The following PTPRT variants were observed in gnomAD, a reference collection of about 807,000 sequenced individuals.
PTPRT encodes receptor-type tyrosine-protein phosphatase T.
Under a neutral mutation model 176.8 loss-of-function variants are expected in PTPRT, and 56 were observed. The observed-to-expected ratio is 0.32, with a 90% CI of 0.26 to 0.40. The LOEUF is 0.40. PTPRT is among the 10% of genes least tolerant of loss of function. PTPRT has a pLI of 1.00. For missense variants in PTPRT, 1,540 were observed against 1,908.2 expected, an observed-to-expected ratio of 0.81 and a Z score of 3.60; for synonymous variants, 783 against 739.0, an observed-to-expected ratio of 1.06 and a Z score of -0.96.
chr20:42,729,765 G>C (rs2076432962), intron 6 of PTPRT, among the ~76,000 whole-genome samples: 1 of 152,130 alleles, frequency 6.6e-6, no homozygotes, highest in African/African-American at 2.4e-5. Flanking sequence ...GCTTGGACTT[G>C]ACTGGAGGCT....
At chr20:42,157,313 T>A (rs1170327986) in intron 17 of PTPRT, among the ~76,000 whole-genome samples, 1 of 152,060 alleles carries the variant, frequency 6.6e-6, no homozygotes, top group Non-Finnish European at 1.5e-5. Flanking sequence ...ATGGTACTTG[T>A]GGCAGACTGT....
At position 42,735,164 on chromosome 20, in the gene PTPRT, G is replaced by A. The variant is rs6103020; in HGVS notation, c.859+21298C>T. ...TTCATTGAAGCTCAGATAAGGTTGG[G>A]TTGGATGAGACACAGTTTGGAGGGC... On this transcript the variant is annotated intron_variant, in intron 6 of 30. Coordinates refer to ENST00000373187, the MANE Select transcript of PTPRT (RefSeq NM_007050.6). 8.1e-3 allele frequency among the ~76,000 whole-genome samples: 1,234 copies of A among 152,300 alleles called. 20 individuals carry two copies. The highest frequency in any genetic ancestry group is 0.028 in the African/African-American group (1,174 of 41,560).
chr20:42,526,504 G>A (rs1286711770), intron 7 of PTPRT, among the ~76,000 whole-genome samples: 1 of 151,886 alleles, frequency 6.6e-6, no homozygotes, highest in Non-Finnish European at 1.5e-5. Flanking sequence ...TCCTCTGCTT[G>A]ATACTTCTCT....
intron 11 of PTPRT, among the ~76,000 whole-genome samples, chr20:42,321,480 C>T (rs2057797603): frequency 6.6e-6 from 1 of 152,176 alleles, no homozygotes; most frequent in African/African-American, 2.4e-5. Flanking sequence ...GTATAGCCAA[C>T]AGGGGCATTC....
intron 12 of PTPRT, among the ~76,000 whole-genome samples, chr20:42,299,574 G>C (rs1054131630): frequency 6.7e-6 from 1 of 150,230 alleles, no homozygotes; most frequent in Non-Finnish European, 1.5e-5. Context: ...TTACAGAAAT[G>C]GGAAGAGTGA....
At chr20:42,184,610 T>TTCC in intron 16 of PTPRT, among the ~76,000 whole-genome samples, 2 of 132,808 alleles carry the variant, frequency 1.5e-5, no homozygotes, top group Admixed American at 7.7e-5. Context: ...CTTCTTCTTC[T>TTCC]TCTTCTCCTC....
intron 15 of PTPRT, among the ~76,000 whole-genome samples, chr20:42,209,760 C>G (rs1363694503): frequency 1.3e-5 from 2 of 152,100 alleles, no homozygotes; most frequent in Non-Finnish European, 2.9e-5. Context: ...CTATTCCAAT[C>G]AATAGAAAAA....
intron 7 of PTPRT, among the ~76,000 whole-genome samples, chr20:42,475,142 G>A (rs1326067488): frequency 6.6e-6 from 1 of 152,146 alleles, no homozygotes; most frequent in Non-Finnish European, 1.5e-5. Flanking sequence ...GTAGCCACAA[G>A]TGCTGGGCTC....
chr20:42,423,276 C>A (rs1303761091), intron 9 of PTPRT, among the ~76,000 whole-genome samples: 2 of 151,464 alleles, frequency 1.3e-5, no homozygotes, highest in Admixed American at 6.6e-5. Context: ...GTATCCCTTT[C>A]CACCATGTGG....
intron 9 of PTPRT, among the ~76,000 whole-genome samples, chr20:42,387,410 G>T (rs1298717124): frequency 5.9e-5 from 9 of 152,190 alleles, no homozygotes; most frequent in Non-Finnish European, 1.3e-4. Flanking sequence ...CTGGCTACAG[G>T]GTGTGAATTT....
intron 1 of PTPRT, among the ~76,000 whole-genome samples, chr20:43,138,328 G>A (rs535804505): frequency 6.6e-6 from 1 of 152,328 alleles, no homozygotes; most frequent in African/African-American, 2.4e-5. Flanking sequence ...GCCCTGTTTG[G>A]CTGGAACACC....
At chr20:42,495,808 G>T (rs939704639) in intron 7 of PTPRT, among the ~76,000 whole-genome samples, 2 of 152,008 alleles carry the variant, frequency 1.3e-5, no homozygotes, top group African/African-American at 4.8e-5. Context: ...AAGTTTCTAA[G>T]AATAACATAG....
At chr20:42,690,168 G>A (rs2075768950) in intron 6 of PTPRT, among the ~76,000 whole-genome samples, 1 of 152,074 alleles carries the variant, frequency 6.6e-6, no homozygotes, top group African/African-American at 2.4e-5. Context: ...GTGATGGGGA[G>A]CAGGGGTGGG....
chr20:43,175,307 G>A (rs551301786), intron 1 of PTPRT, among the ~76,000 whole-genome samples: 1 of 152,354 alleles, frequency 6.6e-6, no homozygotes, highest in African/African-American at 2.4e-5. Flanking sequence ...CCCTTCTTCT[G>A]CATGATGCAG....
chr20:42,628,369 G>A (rs185580768), intron 7 of PTPRT, among the ~76,000 whole-genome samples: 107 of 152,194 alleles, frequency 7.0e-4, no homozygotes, highest in Middle Eastern at 3.4e-3. Context: ...TATTCCACGT[G>A]ACAAAACATG....
intron 11 of PTPRT, among the ~76,000 whole-genome samples, chr20:42,327,080 GGTGTGTGTGT>G (rs139401290): frequency 2.7e-5 from 4 of 146,332 alleles, no homozygotes; most frequent in African/African-American, 5.0e-5. Flanking sequence ...ACTAGGTAGG[GGTGTGTGTGT>G]GTGTGTGTGT....
chr20:42,175,748 A>G (rs1990264992), intron 16 of PTPRT, among the ~76,000 whole-genome samples: 1 of 152,208 alleles, frequency 6.6e-6, no homozygotes, highest in South Asian at 2.1e-4. Context: ...AGGAAAGGGA[A>G]GTGTAGTGAT....
At chr20:43,110,840 TGTA>T (rs1814182869) in intron 1 of PTPRT, among the ~76,000 whole-genome samples, 3 of 152,104 alleles carry the variant, frequency 2.0e-5, no homozygotes, top group Non-Finnish European at 4.4e-5. Flanking sequence ...TGTATTTTCA[TGTA>T]GTTCTGCCTT....
chr20:42,931,556 G>A (rs1407973931), intron 1 of PTPRT, among the ~76,000 whole-genome samples: 2 of 152,222 alleles, frequency 1.3e-5, no homozygotes, highest in Non-Finnish European at 2.9e-5. Flanking sequence ...CGTGGGCAGA[G>A]GGTAAGGAGA....
Sources: gnomAD v4.1 joint callset for allele counts (sites outside exome capture counted in the v4.1 genomes callset) on GRCh38, gnomAD v4.1.1 for gene constraint, MANE v1.5 for transcripts, NCBI Gene and HGNC (gene_info 2026-07-23, HGNC 2026-07-21) for gene names.